Variants in PACSIN2 observed in about 807,000 individuals in gnomAD.
PACSIN2 encodes the protein protein kinase C and casein kinase substrate in neurons protein 2.
In PACSIN2, 25 loss-of-function variants were observed where a neutral mutation model predicts 63.8. That is an observed-to-expected ratio of 0.39 (90% CI 0.29 to 0.55). PACSIN2 has a LOEUF of 0.55. Ranked by LOEUF, PACSIN2 falls within the 20% of genes least tolerant of loss-of-function variation. PACSIN2 has a pLI of 0.62. For synonymous variants in PACSIN2, 255 were observed against 256.2 expected (o/e 1.00, Z 0.05); for missense variants, 518 against 646.9 (o/e 0.80, Z 2.16).
intron 1 of PACSIN2, among the ~76,000 whole-genome samples, chr22:42,990,685 C>T (rs3819677): frequency 1.3e-5 from 2 of 152,046 alleles, no homozygotes; most frequent in East Asian, 3.9e-4. Context: ...TGAGACTCAA[C>T]GGGTAAGCAG....
chr22:42,973,449 C>T (rs1921469812), intron 1 of PACSIN2, among the ~76,000 whole-genome samples: 1 of 152,234 alleles, frequency 6.6e-6, no homozygotes, highest in Non-Finnish European at 1.5e-5. Flanking sequence ...CAAGGCTCCA[C>T]TGAAGCTTCC....
chr22:42,876,205 G>A lies in PACSIN2; in HGVS notation c.1280C>T (p.Thr427Met), dbSNP rs544964917. 4 of 1,614,230 alleles carry A rather than the reference G, an allele frequency of 2.5e-6. No individual in the cohort carries two copies. Among genetic ancestry groups the A allele is most frequent in the South Asian group, 2.2e-5 (2 of 91,084 alleles). ...NPFDDDATSG[T>M]EVRVRALYDY... ...ATACAGGGCCCGGACTCGCACTTCC[G>A]TCCCCGAGGTGGCGTCGTCGTCGAA... The change falls in exon 10 of 11, where the codon ACG becomes ATG. Residue 427 changes from threonine to methionine, a missense_variant. Physicochemically the swap from Thr to Met is moderately conservative, Grantham distance 81. Transcript: ENST00000263246.
chr22:42,890,095 G>C (rs542571108), intron 4 of PACSIN2, among the ~76,000 whole-genome samples: 1 of 150,526 alleles, frequency 6.6e-6, no homozygotes, highest in Admixed American at 6.6e-5. Context: ...TCCACCTCCT[G>C]GGTTCAAGTG....
At chr22:42,977,476 A>G (rs1233969039) in intron 1 of PACSIN2, among the ~76,000 whole-genome samples, 2 of 152,246 alleles carry the variant, frequency 1.3e-5, no homozygotes, top group Non-Finnish European at 2.9e-5. Context: ...TGCTCCATAG[A>G]AACAGAATGG....
At chr22:42,940,138 C>T (rs566451524) in intron 1 of PACSIN2, among the ~76,000 whole-genome samples, 1 of 152,290 alleles carries the variant, frequency 6.6e-6, no homozygotes, top group African/African-American at 2.4e-5. Context: ...ACAGATGTTA[C>T]CTAGTACTAT....
At chr22:42,877,109 C>A in intron 8 of PACSIN2, 99 bp from the exon 9 acceptor site, 2 of 1,309,962 alleles carry the variant, frequency 1.5e-6, no homozygotes, top group South Asian at 2.5e-5. Context: ...CAAATCAGCT[C>A]CTCCTGTGAC....
At chr22:42,881,295 A>T (rs1929054723) in intron 7 of PACSIN2, among the ~76,000 whole-genome samples, 1 of 152,212 alleles carries the variant, frequency 6.6e-6, no homozygotes, top group Non-Finnish European at 1.5e-5. Flanking sequence ...GTTCCCTAAC[A>T]GCCCCCGACA....
intron 1 of PACSIN2, among the ~76,000 whole-genome samples, chr22:42,989,885 T>TATAC (rs1555946233): frequency 7.6e-6 from 1 of 131,790 alleles, no homozygotes; most frequent in African/African-American, 2.8e-5. Context: ...TATATATATA[T>TATAC]ACACACACAC....
At chr22:42,921,699 A>C (rs1348461064) in intron 1 of PACSIN2, among the ~76,000 whole-genome samples, 1 of 152,190 alleles carries the variant, frequency 6.6e-6, no homozygotes, top group Non-Finnish European at 1.5e-5. Flanking sequence ...ATCAGGAGCC[A>C]GAAAATAGCT....
chr22:42,897,243 C>A (rs1275697477), intron 2 of PACSIN2, among the ~76,000 whole-genome samples: 2 of 152,162 alleles, frequency 1.3e-5, no homozygotes, highest in African/African-American at 4.8e-5. Context: ...GGCCTGTTCC[C>A]TTTTTAATAT....
chr22:42,911,766 C>T (rs1399532245), intron 2 of PACSIN2, among the ~76,000 whole-genome samples: 1 of 152,260 alleles, frequency 6.6e-6, no homozygotes, highest in Non-Finnish European at 1.5e-5. Context: ...TTCATAAACA[C>T]CCCTAACCTC....
intron 1 of PACSIN2, among the ~76,000 whole-genome samples, chr22:42,986,131 G>A (rs563029848): frequency 6.6e-6 from 1 of 152,280 alleles, no homozygotes; most frequent in Admixed American, 6.5e-5. Flanking sequence ...GAAACAGTAA[G>A]CATTAGGCAA....
intron 1 of PACSIN2, among the ~76,000 whole-genome samples, chr22:42,936,510 T>C (rs738389): frequency 0.6 from 91,724 of 152,110 alleles, 28,204 homozygotes; most frequent in East Asian, 0.78. Flanking sequence ...ACATGAAGCA[T>C]AGGCAAAGGC....
chr22:42,937,661 T>C, intron 1 of PACSIN2, among the ~76,000 whole-genome samples: 1 of 152,116 alleles, frequency 6.6e-6, no homozygotes, highest in East Asian at 1.9e-4. Flanking sequence ...CCACACCCCT[T>C]GCCTGGCCAC....
intron 6 of PACSIN2, among the ~76,000 whole-genome samples, chr22:42,883,212 GC>G (rs1427527338): frequency 6.6e-6 from 1 of 152,112 alleles, no homozygotes; most frequent in Admixed American, 6.5e-5. Context: ...CCCTGCTCCT[GC>G]CAGCAGAGCA....
chr22:42,919,706 G>T (rs764488256), intron 1 of PACSIN2, among the ~76,000 whole-genome samples: 1 of 143,890 alleles, frequency 6.9e-6, no homozygotes, highest in Non-Finnish European at 1.5e-5. Flanking sequence ...CCGGGAAGTG[G>T]AGGTTGTAGT....
intron 1 of PACSIN2, among the ~76,000 whole-genome samples, chr22:42,993,135 C>CT (rs1475299163): frequency 6.6e-6 from 1 of 151,638 alleles, no homozygotes; most frequent in African/African-American, 2.4e-5. Context: ...GATTGCACCA[C>CT]TGCACTCCAG....
chr22:42,892,581 G>C (rs980063620), intron 3 of PACSIN2, among the ~76,000 whole-genome samples: 2 of 152,180 alleles, frequency 1.3e-5, no homozygotes, highest in African/African-American at 2.4e-5. Context: ...CACTGCCACC[G>C]ACCAAGGGAG....
chr22:43,014,321 T>TACACACACAC (rs139728514), intron 1 of PACSIN2, among the ~76,000 whole-genome samples: 2 of 130,450 alleles, frequency 1.5e-5, no homozygotes, highest in Middle Eastern at 4.3e-3. Flanking sequence ...CCCCCCGCCC[T>TACACACACAC]ACACACACAC....
Sources: gnomAD v4.1 joint callset for allele counts (sites outside exome capture counted in the v4.1 genomes callset) on GRCh38, gnomAD v4.1.1 for gene constraint, MANE v1.5 for transcripts, NCBI Gene and HGNC (gene_info 2026-07-23, HGNC 2026-07-21) for gene names.